The following INPP4B variants were observed in gnomAD, a reference collection of about 807,000 sequenced individuals.
The protein encoded by INPP4B is inositol polyphosphate 4-phosphatase type II.
In INPP4B, 55 loss-of-function variants were observed where a neutral mutation model predicts 122.5. The observed-to-expected ratio is 0.45, with a 90% confidence interval of 0.36 to 0.56. INPP4B has a LOEUF of 0.56. Among genes scored for constraint, INPP4B ranks in the 20% least tolerant of loss-of-function variants. The pLI is 0.00. For synonymous variants in INPP4B, 403 were observed against 388.7 expected (o/e 1.04, Z -0.43); for missense variants, 1,000 against 1,097.7 (o/e 0.91, Z 1.26).
At position 142,182,190 on chromosome 4, in the gene INPP4B, A is replaced by T. The variant is rs3775668; in HGVS notation, c.1182-8381T>A. ...GGTGACTCAATCGTTGGTCCTTGGT[A>T]TTTTCATCAATAAAATAAGTAGGAG... On this transcript the variant is annotated intron_variant, in intron 15 of 25. Coordinates refer to ENST00000262992, the MANE Select transcript of INPP4B (RefSeq NM_001101669.3). Among the ~76,000 whole-genome samples the T allele has an allele frequency of 8.4e-3, 1,285 of 152,230 alleles. 51 individuals carry two copies. The East Asian group carries it at 0.12, about 14-fold the overall frequency.
In INPP4B at chr4:142,626,394, A is replaced by G. The variant is rs141895523; in HGVS notation, c.-191+99445T>C. ...AAGATTTGACATGAGAGATTCTCCA[A>G]TGTTGGCTTTGAAAATGAAAGGAGT... On this transcript the variant is annotated intron_variant, in intron 2 of 25. Transcript: ENST00000262992. Among the ~76,000 whole-genome samples the G allele has an allele frequency of 2.7e-3, 405 of 152,098 alleles. 6 individuals carry two copies. The highest frequency in any genetic ancestry group is 0.018 in the East Asian group (95 of 5,152).
chr4:142,460,317 C>T (rs1816438463), intron 3 of INPP4B, among the ~76,000 whole-genome samples: 1 of 152,082 alleles, frequency 6.6e-6, no homozygotes, highest in Non-Finnish European at 1.5e-5. Flanking sequence ...AATATAATCG[C>T]TGAAAACAAT....
chr4:142,513,430 G>A (rs372609647), intron 2 of INPP4B, among the ~76,000 whole-genome samples: 99 of 151,202 alleles, frequency 6.5e-4, no homozygotes, highest in Non-Finnish European at 1.2e-3. Context: ...TTTTTGAGAC[G>A]AACTCTCCCT....
chr4:142,405,558 CTT>C (rs1366082098), intron 5 of INPP4B, among the ~76,000 whole-genome samples: 3 of 152,094 alleles, frequency 2.0e-5, no homozygotes, highest in Admixed American at 2.0e-4. Context: ...TCATGCAAGT[CTT>C]TACTGGTCTG....
intron 5 of INPP4B, among the ~76,000 whole-genome samples, chr4:142,408,462 A>G (rs1803916790): frequency 6.6e-6 from 1 of 152,186 alleles, no homozygotes; most frequent in Non-Finnish European, 1.5e-5. Context: ...CTGAGGCACA[A>G]GAATTGCTTG....
intron 2 of INPP4B, among the ~76,000 whole-genome samples, chr4:142,626,930 A>G (rs1746562137): frequency 6.6e-6 from 1 of 152,032 alleles, no homozygotes; most frequent in African/African-American, 2.4e-5. Flanking sequence ...TGTTTTCTCA[A>G]TGTATTTCTC....
chr4:142,497,005 G>A (rs773794978), intron 2 of INPP4B: 2 of 152,024 alleles, frequency 1.3e-5, no homozygotes, highest in Non-Finnish European at 2.9e-5. Flanking sequence ...GTTTCATGCT[G>A]TATAATCAGA....
chr4:142,301,828 C>T (rs1170365577), intron 9 of INPP4B, among the ~76,000 whole-genome samples: 1 of 152,126 alleles, frequency 6.6e-6, no homozygotes, highest in Non-Finnish European at 1.5e-5. Flanking sequence ...GATGAATTTC[C>T]TAGGAAACAA....
chr4:142,057,112 T>G (rs2667105), intron 25 of INPP4B, among the ~76,000 whole-genome samples: 1 of 151,956 alleles, frequency 6.6e-6, no homozygotes, highest in Non-Finnish European at 1.5e-5. Context: ...TCCAGAAAGA[T>G]AGGCACCATG....
intron 25 of INPP4B, among the ~76,000 whole-genome samples, chr4:142,054,435 G>C (rs1249306564): frequency 2.0e-5 from 3 of 151,994 alleles, no homozygotes; most frequent in Non-Finnish European, 4.4e-5. Flanking sequence ...AATGGGTTTT[G>C]TTATCCTTAT....
At chr4:142,659,243 C>A (rs1264095821) in intron 2 of INPP4B, among the ~76,000 whole-genome samples, 5 of 146,534 alleles carry the variant, frequency 3.4e-5, no homozygotes, top group African/African-American at 2.5e-5. Context: ...ACTAAAAATA[C>A]AAAAAAAAAA....
At chr4:142,713,139 A>G (rs1354146897) in intron 2 of INPP4B, among the ~76,000 whole-genome samples, 1 of 152,252 alleles carries the variant, frequency 6.6e-6, no homozygotes, top group Non-Finnish European at 1.5e-5. Flanking sequence ...AGAGGCTAAG[A>G]GCAAAAGAGA....
chr4:142,282,247 C>T (rs897018743), intron 9 of INPP4B, among the ~76,000 whole-genome samples: 1 of 152,020 alleles, frequency 6.6e-6, no homozygotes, highest in African/African-American at 2.4e-5. Flanking sequence ...AAGATTTTTG[C>T]AGAAAGAAGC....
chr4:142,294,470 T>C (rs1184209738), intron 9 of INPP4B, among the ~76,000 whole-genome samples: 2 of 151,988 alleles, frequency 1.3e-5, no homozygotes, highest in East Asian at 1.9e-4. Context: ...ACGAGTAAAT[T>C]TGGAGAATAC....
chr4:142,045,200 C>T (rs894300040), intron 25 of INPP4B, among the ~76,000 whole-genome samples: 1 of 152,076 alleles, frequency 6.6e-6, no homozygotes, highest in African/African-American at 2.4e-5. Flanking sequence ...GTGTATACAT[C>T]TCCTGAACTG....
intron 11 of INPP4B, among the ~76,000 whole-genome samples, chr4:142,241,171 C>T (rs1438367715): frequency 6.6e-6 from 1 of 152,076 alleles, no homozygotes; most frequent in Non-Finnish European, 1.5e-5. Context: ...ATCTCAATAA[C>T]TATGTAATAC....
intron 2 of INPP4B, among the ~76,000 whole-genome samples, chr4:142,511,455 T>C (rs914111324): frequency 4.6e-5 from 7 of 152,142 alleles, no homozygotes; most frequent in Admixed American, 6.6e-5. Context: ...GTAGACATTG[T>C]TTGGAAGGAC....
At chr4:142,699,247 C>G (rs1033698745) in intron 2 of INPP4B, among the ~76,000 whole-genome samples, 5 of 152,200 alleles carry the variant, frequency 3.3e-5, no homozygotes, top group Admixed American at 3.3e-4. Context: ...ACAGCTCTCT[C>G]CAGCTCAGCT....
At chr4:142,300,714 T>C (rs988408832) in intron 9 of INPP4B, among the ~76,000 whole-genome samples, 2 of 152,178 alleles carry the variant, frequency 1.3e-5, no homozygotes, top group Non-Finnish European at 2.9e-5. Context: ...ATAAGTTAAA[T>C]GTTTTTCTTT....
Sources: gnomAD v4.1 joint callset for allele counts (sites outside exome capture counted in the v4.1 genomes callset) on GRCh38, gnomAD v4.1.1 for gene constraint, MANE v1.5 for transcripts, NCBI Gene and HGNC (gene_info 2026-07-23, HGNC 2026-07-21) for gene names.